The following DAB1 variants were observed in gnomAD, a reference collection of about 807,000 sequenced individuals.
DAB1 encodes DAB adaptor protein 1, also known as disabled homolog 1.
Under a neutral mutation model 64.6 loss-of-function variants are expected in DAB1, and 15 were observed. The ratio of observed to expected loss-of-function variants is 0.23; its 90% confidence interval spans 0.16 to 0.36. The LOEUF (loss-of-function observed/expected upper bound fraction) is 0.36. DAB1 is among the 10% of genes least tolerant of loss of function. DAB1 has a pLI of 1.00. For missense variants in DAB1, 596 were observed against 706.7 expected, an observed-to-expected ratio of 0.84 and a Z score of 1.78; for synonymous variants, 235 against 251.9, an observed-to-expected ratio of 0.93 and a Z score of 0.64.
intron 5 of DAB1, among the ~76,000 whole-genome samples, chr1:57,905,684 G>A (rs1246336095): frequency 6.6e-6 from 1 of 152,180 alleles, no homozygotes; most frequent in African/African-American, 2.4e-5. Flanking sequence ...CCACCACCAT[G>A]AAGTGAGTGT....
chr1:58,355,781 G>A (rs991992146), intron 3 of DAB1, among the ~76,000 whole-genome samples: 1 of 152,114 alleles, frequency 6.6e-6, no homozygotes, highest in Non-Finnish European at 1.5e-5. Context: ...AACTTTAGCT[G>A]CCATTCATAC....
chr1:57,786,489 G>C (rs934215141), intron 6 of DAB1, among the ~76,000 whole-genome samples: 4 of 152,138 alleles, frequency 2.6e-5, no homozygotes, highest in African/African-American at 9.7e-5. Flanking sequence ...AGTGGAGATG[G>C]AAGTTTATCA....
chr1:57,000,376 A>G (rs969346971), intron 14 of DAB1, among the ~76,000 whole-genome samples: 1 of 152,104 alleles, frequency 6.6e-6, no homozygotes, highest in African/African-American at 2.4e-5. Context: ...TGAACCTAGC[A>G]CAGTAGGTCC....
At chr1:58,198,633 T>C (rs1319742351) in intron 4 of DAB1, among the ~76,000 whole-genome samples, 1 of 152,230 alleles carries the variant, frequency 6.6e-6, no homozygotes, top group East Asian at 1.9e-4. Context: ...TTGATTCAGA[T>C]CTTTGACTCC....
intron 1 of DAB1, among the ~76,000 whole-genome samples, chr1:57,297,798 T>C (rs1673323479): frequency 6.6e-6 from 1 of 152,210 alleles, no homozygotes; most frequent in African/African-American, 2.4e-5. Context: ...TCCAGCTTCC[T>C]AGATGGCATA....
At chr1:58,495,445 T>A (rs1355119406) in intron 3 of DAB1, among the ~76,000 whole-genome samples, 1 of 152,084 alleles carries the variant, frequency 6.6e-6, no homozygotes, top group African/African-American at 2.4e-5. Context: ...TTCCTTTTTT[T>A]AGGATTTAGT....
intron 3 of DAB1, among the ~76,000 whole-genome samples, chr1:58,401,341 GA>G (rs1213334254): frequency 3.3e-5 from 5 of 152,128 alleles, no homozygotes; most frequent in Admixed American, 2.6e-4. Context: ...CTCAGATGTT[GA>G]GGGCAGGCTC....
chr1:57,741,009 G>C (rs1647965223), intron 6 of DAB1, among the ~76,000 whole-genome samples: 1 of 152,134 alleles, frequency 6.6e-6, no homozygotes. Context: ...GATTCATTAA[G>C]ACCAATTTGG....
At chr1:57,969,275 C>T (rs1267321810) in intron 5 of DAB1, among the ~76,000 whole-genome samples, 3 of 152,210 alleles carry the variant, frequency 2.0e-5, no homozygotes, top group African/African-American at 7.2e-5. Context: ...TATCACTTTA[C>T]ACTTTTCAAA....
At chr1:58,220,572 T>G (rs1003081754) in intron 4 of DAB1, among the ~76,000 whole-genome samples, 1 of 152,144 alleles carries the variant, frequency 6.6e-6, no homozygotes, top group Non-Finnish European at 1.5e-5. Flanking sequence ...GATGTGTAAG[T>G]ATAGAGCCCG....
intron 6 of DAB1, among the ~76,000 whole-genome samples, chr1:57,780,874 C>T (rs1398729280): frequency 6.6e-6 from 1 of 151,228 alleles, no homozygotes; most frequent in East Asian, 2.0e-4. Context: ...CTCCATGCAC[C>T]CTCCACCATG....
At chr1:57,301,095 A>C (rs1293221531) in intron 1 of DAB1, among the ~76,000 whole-genome samples, 1 of 145,392 alleles carries the variant, frequency 6.9e-6, no homozygotes, top group Admixed American at 6.8e-5. Flanking sequence ...ATGAATCTTC[A>C]AAAAAAAAAA....
At chr1:57,572,324 C>T (rs1412114211) in intron 7 of DAB1, among the ~76,000 whole-genome samples, 1 of 152,172 alleles carries the variant, frequency 6.6e-6, no homozygotes, top group Non-Finnish European at 1.5e-5. Flanking sequence ...TTTGTTTCCT[C>T]ATCTGCAAGA....
At chr1:58,408,252 GT>G (rs1286169349) in intron 3 of DAB1, among the ~76,000 whole-genome samples, 12 of 152,156 alleles carry the variant, frequency 7.9e-5, no homozygotes, top group Non-Finnish European at 2.9e-5. Flanking sequence ...TCTTCTCTTT[GT>G]CTGGATTATT....
intron 1 of DAB1, among the ~76,000 whole-genome samples, chr1:57,387,685 G>T (rs559710582): frequency 6.6e-6 from 1 of 152,150 alleles, no homozygotes; most frequent in African/African-American, 2.4e-5. Context: ...AGCCAAGCAT[G>T]GTGGCGCACA....
At chr1:58,198,043 A>G (rs920292576) in intron 4 of DAB1, among the ~76,000 whole-genome samples, 3 of 152,354 alleles carry the variant, frequency 2.0e-5, no homozygotes, top group Admixed American at 1.3e-4. Flanking sequence ...TGTCAGCATC[A>G]TATCATGGTA....
At chr1:58,284,023 A>AC (rs5774406) in intron 4 of DAB1, among the ~76,000 whole-genome samples, 140,182 of 152,132 alleles carry the variant, frequency 0.92, 64,594 homozygotes, top group South Asian at 0.95. Context: ...GGGAAAACCC[A>AC]CCTTTTCTTG....
intron 6 of DAB1, among the ~76,000 whole-genome samples, chr1:57,818,559 A>C (rs887037231): frequency 1.3e-5 from 2 of 152,110 alleles, no homozygotes; most frequent in African/African-American, 4.8e-5. Flanking sequence ...GATTCTTAGT[A>C]TGTGTTACCC....
chr1:57,583,943 T>C (rs946908082), intron 7 of DAB1, among the ~76,000 whole-genome samples: 2 of 152,222 alleles, frequency 1.3e-5, no homozygotes, highest in African/African-American at 4.8e-5. Context: ...AGATCTGCTA[T>C]AGAATCTGTT....
Sources: gnomAD v4.1 joint callset for allele counts (sites outside exome capture counted in the v4.1 genomes callset) on GRCh38, gnomAD v4.1.1 for gene constraint, MANE v1.5 for transcripts, NCBI Gene and HGNC (gene_info 2026-07-23, HGNC 2026-07-21) for gene names.